The following TBL1XR1 variants were observed in gnomAD, a reference collection of about 807,000 sequenced individuals.
The protein encoded by TBL1XR1 is TBL1X/Y related 1.
TBL1XR1 carries 5 observed loss-of-function variants against 66.9 expected under a neutral mutation model. That is an observed-to-expected ratio of 0.07 (90% CI 0.04 to 0.16). The LOEUF (loss-of-function observed/expected upper bound fraction) is 0.16. Ranked by LOEUF, TBL1XR1 falls within the 10% of genes least tolerant of loss-of-function variation. The probability of loss-of-function intolerance (pLI) is 1.00; values close to 1 mark genes in which losing one functional copy is unlikely to be tolerated. For synonymous variants in TBL1XR1, 210 were observed against 206.0 expected, an observed-to-expected ratio of 1.02 and a Z score of -0.17; for missense variants, 238 against 623.2, an observed-to-expected ratio of 0.38 and a Z score of 6.58.
At chr3:177,095,344 T>G (rs746117170) in intron 2 of TBL1XR1, among the ~76,000 whole-genome samples, 2 of 151,882 alleles carry the variant, frequency 1.3e-5, no homozygotes, top group African/African-American at 2.4e-5. Context: ...GTAGATTGTC[T>G]CAAAAAATAA....
intron 1 of TBL1XR1, among the ~76,000 whole-genome samples, chr3:177,148,222 G>GT (rs1209343439): frequency 6.6e-6 from 1 of 152,198 alleles, no homozygotes; most frequent in Non-Finnish European, 1.5e-5. Flanking sequence ...GATGTTGAAA[G>GT]TTTAAGTACA....
chr3:177,133,813 T>C (rs376123007), intron 1 of TBL1XR1, among the ~76,000 whole-genome samples: 1 of 144,354 alleles, frequency 6.9e-6, no homozygotes, highest in South Asian at 2.1e-4. Flanking sequence ...GAAACAGAGG[T>C]TGCAGTGAGC....
chr3:177,140,231 C>T (rs937395790), intron 1 of TBL1XR1, among the ~76,000 whole-genome samples: 1 of 152,080 alleles, frequency 6.6e-6, no homozygotes, highest in African/African-American at 2.4e-5. Context: ...AACCCGGAGG[C>T]GGAAGTTGCA....
chr3:177,132,044 A>AT (rs1165340436), intron 1 of TBL1XR1, among the ~76,000 whole-genome samples: 6 of 152,174 alleles, frequency 3.9e-5, no homozygotes, highest in Non-Finnish European at 8.8e-5. Flanking sequence ...AAACATACTG[A>AT]TTAATAATGT....
At chr3:177,149,092 G>C (rs1311529791) in intron 1 of TBL1XR1, among the ~76,000 whole-genome samples, 4 of 152,104 alleles carry the variant, frequency 2.6e-5, no homozygotes, top group Non-Finnish European at 1.5e-5. Context: ...TCCATTTCTT[G>C]CTCAGTCCCA....
At chr3:177,085,988 A>G (rs1220159486) in intron 2 of TBL1XR1, among the ~76,000 whole-genome samples, 2 of 152,074 alleles carry the variant, frequency 1.3e-5, no homozygotes, top group South Asian at 2.1e-4. Context: ...TTCTCTAAAC[A>G]TTAGTTCTTC....
intron 1 of TBL1XR1, among the ~76,000 whole-genome samples, chr3:177,186,542 A>C (rs899323883): frequency 2.6e-5 from 4 of 152,110 alleles, no homozygotes; most frequent in African/African-American, 9.7e-5. Context: ...ATTAGTATAC[A>C]CTCTTCCCAA....
At chr3:177,067,050 GGTAAATGT>G (rs1296720687) in intron 2 of TBL1XR1, among the ~76,000 whole-genome samples, 3 of 152,290 alleles carry the variant, frequency 2.0e-5, no homozygotes, top group South Asian at 2.1e-4. Flanking sequence ...TACACTAGAT[GGTAAATGT>G]TCTGGCAGGA....
In TBL1XR1 at chr3:177,094,777, T is replaced by C. The variant is rs551467319; in HGVS notation, c.-46+3689A>G. Among the ~76,000 whole-genome samples, 154 of 151,748 alleles carry C rather than the reference T, an allele frequency of 1.0e-3. No homozygotes were observed. The Middle Eastern group carries it at 0.014, about 14-fold the overall frequency. ...AGTGAGAGCGAAGCTATGAGGAGGATGCAATAGCATAAGAATATACAATGG... is the reference window on the plus strand; with the variant it reads ...AGTGAGAGCGAAGCTATGAGGAGGACGCAATAGCATAAGAATATACAATGG... On this transcript the variant is annotated intron_variant, in intron 2 of 15. Coordinates refer to ENST00000457928, the MANE Select transcript of TBL1XR1 (RefSeq NM_024665.7).
At chr3:177,030,711 A>G (rs1268095766) in intron 14 of TBL1XR1, among the ~76,000 whole-genome samples, 1 of 152,264 alleles carries the variant, frequency 6.6e-6, no homozygotes, top group Non-Finnish European at 1.5e-5. Flanking sequence ...TATAATTATT[A>G]AAAGTGAAAA....
Position 177,038,004 on chromosome 3 carries a change from C to G in TBL1XR1, c.1122+94G>C, listed in dbSNP as rs921970666. ...AGTTTTCATGCAGGTACAAACACTC[C>G]ATGTAAGACAGACATTCTAAATGGT... On this transcript the variant is annotated intron_variant, in intron 12 of 15. Transcript: ENST00000457928. 7 of 1,047,948 alleles carry G rather than the reference C, an allele frequency of 6.7e-6. No homozygotes were observed. The African/African-American group carries it at 9.6e-5, about 14-fold the overall frequency. The allele number at this position is 1,047,948 out of a possible 1,614,324, so 64.9% of individuals were successfully genotyped here.
chr3:177,188,064 T>C (rs1389804408), intron 1 of TBL1XR1, among the ~76,000 whole-genome samples: 1 of 150,556 alleles, frequency 6.6e-6, no homozygotes, highest in Non-Finnish European at 1.5e-5. Flanking sequence ...AACAGGTAGC[T>C]GGGATTACAG....
chr3:177,035,258 A>G (rs1714609219), intron 12 of TBL1XR1, among the ~76,000 whole-genome samples: 1 of 152,036 alleles, frequency 6.6e-6, no homozygotes, highest in South Asian at 2.1e-4. Context: ...TTTCCTCTAC[A>G]TACTTTCTTT....
chr3:177,055,514 C>G (rs1368866483), intron 3 of TBL1XR1, among the ~76,000 whole-genome samples: 1 of 123,436 alleles, frequency 8.1e-6, no homozygotes, highest in Non-Finnish European at 1.6e-5. Context: ...TAGTTTTCAC[C>G]TTAATCTGGG....
At position 177,023,697 on chromosome 3, in the gene TBL1XR1, T is replaced by C. The variant is rs944411408; in HGVS notation, c.*1801A>G. The C allele has an allele frequency of 1.3e-5, 2 of 152,562 alleles. No homozygotes were observed. Among genetic ancestry groups the C allele is most frequent in the African/African-American group, 4.8e-5 (2 of 41,456 alleles). 9.5% of individuals were successfully genotyped at this position (152,562 alleles called of 1,614,324 possible). Reference sequence around the variant, plus strand: ...AAGACTTGCTTCAATCAATGCTGTTTTGTAAAAATAGCAAAGCAACGAATG... The same window carrying C: ...AAGACTTGCTTCAATCAATGCTGTTCTGTAAAAATAGCAAAGCAACGAATG... On this transcript the variant is annotated 3_prime_UTR_variant, in exon 16 of 16. Transcript: ENST00000457928.
intron 1 of TBL1XR1, among the ~76,000 whole-genome samples, chr3:177,143,423 T>C (rs1729861122): frequency 6.6e-6 from 1 of 152,178 alleles, no homozygotes; most frequent in South Asian, 2.1e-4. Context: ...AAGATATTAA[T>C]TTATGTCAAC....
At position 177,054,053 on chromosome 3, in the gene TBL1XR1, T is replaced by C. The variant is rs1577036241; in HGVS notation, c.59-135A>G. The C allele has an allele frequency of 3.0e-5, 17 of 561,962 alleles. No homozygotes were observed. The South Asian group carries it at 3.7e-4, about 12-fold the overall frequency. The allele number at this position is 561,962 out of a possible 1,614,324, so 34.8% of individuals were successfully genotyped here. A position where few individuals can be genotyped will look rare whatever the true frequency, so the allele number is the denominator to read the frequency against. ...AAATCCCAGACGAAGGTCGTGTGTG[T>C]GTGTGTGTGTGTGTGTGTGTGCGCG... is the stretch of plus-strand genomic sequence containing the variant. On this transcript the variant is annotated intron_variant, in intron 3 of 15. Transcript: ENST00000457928.
intron 1 of TBL1XR1, among the ~76,000 whole-genome samples, chr3:177,169,031 G>T (rs1474034945): frequency 1.3e-5 from 2 of 151,966 alleles, no homozygotes; most frequent in Non-Finnish European, 2.9e-5. Context: ...AATCCCTAAA[G>T]CTTGACCACA....
intron 1 of TBL1XR1, among the ~76,000 whole-genome samples, chr3:177,185,068 A>G (rs1320232886): frequency 6.6e-6 from 1 of 152,066 alleles, no homozygotes; most frequent in Non-Finnish European, 1.5e-5. Context: ...ACATGCCTCG[A>G]TTTTTCAATT....
Sources: gnomAD v4.1 joint callset for allele counts (sites outside exome capture counted in the v4.1 genomes callset) on GRCh38, gnomAD v4.1.1 for gene constraint, MANE v1.5 for transcripts, NCBI Gene and HGNC (gene_info 2026-07-23, HGNC 2026-07-21) for gene names.